Variants in TNNI3K observed in about 807,000 individuals in gnomAD.
The protein encoded by TNNI3K is serine/threonine-protein kinase TNNI3K.
TNNI3K carries 140 observed loss-of-function variants against 114.5 expected under a neutral mutation model. The ratio of observed to expected loss-of-function variants is 1.22; its 90% CI spans 1.07 to 1.41. The LOEUF (loss-of-function observed/expected upper bound fraction) is 1.41. Among genes scored for constraint, TNNI3K ranks in the 40% most tolerant of loss-of-function variants. The pLI, the probability that TNNI3K is intolerant of heterozygous loss-of-function variation, is 0.00. For synonymous variants in TNNI3K, 347 were observed against 347.5 expected (o/e 1.00, Z 0.02); for missense variants, 1,125 against 1,007.6 (o/e 1.12, Z -1.58).
chr1:74,249,818 A>C (rs963712815), intron 3 of TNNI3K, among the ~76,000 whole-genome samples: 3 of 152,190 alleles, frequency 2.0e-5, no homozygotes, highest in Non-Finnish European at 4.4e-5. Context: ...AATATTGGGC[A>C]TGCCAGTCAG....
At chr1:74,501,810 C>T (rs924854882) in intron 23 of TNNI3K, among the ~76,000 whole-genome samples, 1 of 151,974 alleles carries the variant, frequency 6.6e-6, no homozygotes, top group South Asian at 2.1e-4. Flanking sequence ...TCATAGAACA[C>T]GTGTAGTAAT....
At chr1:74,265,313 C>T (rs1322229946) in intron 4 of TNNI3K, among the ~76,000 whole-genome samples, 3 of 151,930 alleles carry the variant, frequency 2.0e-5, no homozygotes, top group African/African-American at 4.8e-5. Flanking sequence ...CTAAAATCTC[C>T]GCCAGCCCAT....
intron 17 of TNNI3K, among the ~76,000 whole-genome samples, chr1:74,380,942 A>G (rs539106839): frequency 2.0e-5 from 3 of 152,032 alleles, no homozygotes; most frequent in African/African-American, 7.3e-5. Flanking sequence ...ATTTCTAGCT[A>G]ATAAATGAGA....
At chr1:74,350,375 G>T (rs1171329986) in intron 9 of TNNI3K, among the ~76,000 whole-genome samples, 1 of 152,210 alleles carries the variant, frequency 6.6e-6, no homozygotes, top group African/African-American at 2.4e-5. Flanking sequence ...GCTGAGGACT[G>T]CTTTACTTCC....
rs751507064 is a variant in TNNI3K at position 74,236,236 on chromosome 1, T to A, written c.149+26T>A. The stretch of plus-strand genomic sequence containing the variant: ...GTAAAGTTGTAAGAGTCATTATTTC[T>A]TTGTATAAGTGTCTTCAGTATTCAC... On this transcript the variant is annotated intron_variant, in intron 2 of 24. Coordinates refer to ENST00000326637, the MANE Select transcript of TNNI3K (RefSeq NM_015978.3). 3.2e-6 allele frequency: 5 copies of A among 1,578,882 alleles called. No homozygotes were observed. The South Asian group carries it at 5.7e-5, about 18-fold the overall frequency.
At chr1:74,305,471 C>A (rs908857287) in intron 5 of TNNI3K, among the ~76,000 whole-genome samples, 1 of 152,166 alleles carries the variant, frequency 6.6e-6, no homozygotes, top group Admixed American at 6.5e-5. Flanking sequence ...AACTAGAAAA[C>A]CCTTGAAGCT....
At chr1:74,542,075 A>G (rs968364624) in intron 24 of TNNI3K, among the ~76,000 whole-genome samples, 1 of 152,198 alleles carries the variant, frequency 6.6e-6, no homozygotes, top group African/African-American at 2.4e-5. Context: ...ATTTCAGTTG[A>G]GTTCTTCTTA....
intron 17 of TNNI3K, among the ~76,000 whole-genome samples, chr1:74,398,573 G>A (rs1286668078): frequency 6.6e-6 from 1 of 152,200 alleles, no homozygotes; most frequent in African/African-American, 2.4e-5. Context: ...GGAGACTAAA[G>A]TATCTACTGG....
intron 17 of TNNI3K, among the ~76,000 whole-genome samples, chr1:74,409,492 C>CT (rs540218540): frequency 0.094 from 11,792 of 124,860 alleles, 810 homozygotes; most frequent in African/African-American, 0.13. Context: ...CTATTTGTTT[C>CT]TTTTTTTTTT....
chr1:74,316,417 C>T (rs768524842), intron 5 of TNNI3K, among the ~76,000 whole-genome samples: 7 of 152,124 alleles, frequency 4.6e-5, no homozygotes, highest in Non-Finnish European at 7.4e-5. Context: ...AACTCATTTC[C>T]TTTCTAACCT....
chr1:74,326,757 G>C (rs1054217924), intron 5 of TNNI3K, among the ~76,000 whole-genome samples: 8 of 152,098 alleles, frequency 5.3e-5, no homozygotes, highest in Non-Finnish European at 1.2e-4. Context: ...ACTGAGCTTG[G>C]TCATGAGACT....
intron 17 of TNNI3K, among the ~76,000 whole-genome samples, chr1:74,418,696 C>T (rs1665252036): frequency 6.6e-6 from 1 of 151,900 alleles, no homozygotes; most frequent in African/African-American, 2.4e-5. Context: ...CAATTTCCAT[C>T]TTAACCTCCA....
intron 23 of TNNI3K, among the ~76,000 whole-genome samples, chr1:74,522,574 A>C (rs1365400295): frequency 6.6e-6 from 1 of 151,750 alleles, no homozygotes; most frequent in Non-Finnish European, 1.5e-5. Flanking sequence ...AAAAGAGAGA[A>C]TCTGTCTTTT....
intron 6 of TNNI3K, 122 bp downstream of exon 6, chr1:74,331,670 C>G: frequency 1.2e-6 from 1 of 823,204 alleles, no homozygotes. Context: ...GCCATATTCT[C>G]ATCAACCCAT....
Position 74,540,234 on chromosome 1 carries a change from T to G in TNNI3K, c.2352T>G (p.Ser784Arg). The G allele has an allele frequency of 6.2e-7, 1 of 1,611,868 alleles. No homozygotes were observed. Reference sequence around the variant, plus strand: ...AAACTGTGTTTTATTAATTTTCCAGTGCTGGACAATATTCCTCTCAAGGTC... The same window carrying G: ...AAACTGTGTTTTATTAATTTTCCAGGGCTGGACAATATTCCTCTCAAGGTC... ...NARSYAALSQ[S>R]AGQYSSQGLS... Residue 784 changes from serine (S) to arginine (R), a missense_variant and splice_region_variant, in exon 24 of 25, where the codon AGT becomes AGG. Ser to Arg is a moderately radical substitution (Grantham distance 110). Transcript: ENST00000326637.
At position 74,428,997 on chromosome 1, in the gene TNNI3K, G is replaced by A. The variant is rs114355567; in HGVS notation, c.1773-7083G>A. Among the ~76,000 whole-genome samples, 732 of 152,102 alleles carry A rather than the reference G, an allele frequency of 4.8e-3. 8 individuals are homozygous for A. The highest frequency in any genetic ancestry group is 0.017 in the African/African-American group (701 of 41,522). ...ATTTGGCCATGAACTTAAAGTATGC[G>A]ATATCTCATGTTACTGTACAATTGT... is the stretch of plus-strand genomic sequence containing the variant. On this transcript the variant is annotated intron_variant, in intron 17 of 24. Coordinates refer to ENST00000326637, the MANE Select transcript of TNNI3K (RefSeq NM_015978.3).
intron 7 of TNNI3K, among the ~76,000 whole-genome samples, chr1:74,337,172 C>A (rs1003949277): frequency 2.6e-4 from 39 of 152,156 alleles, no homozygotes; most frequent in African/African-American, 8.4e-4. Context: ...CTGTTCATGT[C>A]CTTCACCCAC....
At chr1:74,454,103 T>C (rs570732608) in intron 20 of TNNI3K, among the ~76,000 whole-genome samples, 110 of 152,314 alleles carry the variant, frequency 7.2e-4, no homozygotes, top group African/African-American at 2.5e-3. Context: ...TACATAATAA[T>C]TGTACATATT....
chr1:74,430,432 A>C (rs1387919879), intron 17 of TNNI3K, among the ~76,000 whole-genome samples: 1 of 152,102 alleles, frequency 6.6e-6, no homozygotes, highest in Non-Finnish European at 1.5e-5. Context: ...AATCTGGAGA[A>C]AACATAAGAT....
Sources: gnomAD v4.1 joint callset for allele counts (sites outside exome capture counted in the v4.1 genomes callset) on GRCh38, gnomAD v4.1.1 for gene constraint, MANE v1.5 for transcripts, NCBI Gene and HGNC (gene_info 2026-07-23, HGNC 2026-07-21) for gene names.